Variants in NREP observed in about 807,000 individuals in gnomAD.
The protein encoded by NREP is neuronal regeneration related protein.
In NREP, 5 loss-of-function variants were observed where a neutral mutation model predicts 8.6. The observed-to-expected ratio is 0.58, with a 90% CI of 0.30 to 1.22. NREP has a LOEUF of 1.22. Among genes scored for constraint, NREP ranks in the 50% most tolerant of loss-of-function variants. The pLI is 0.07. For synonymous variants in NREP, 27 were observed against 28.0 expected, an observed-to-expected ratio of 0.96 and a Z score of 0.11; for missense variants, 86 against 82.5, an observed-to-expected ratio of 1.04 and a Z score of -0.17.
At chr5:111,841,527 T>G (rs558836700) in intron 2 of NREP, among the ~76,000 whole-genome samples, 1 of 152,164 alleles carries the variant, frequency 6.6e-6, no homozygotes, top group East Asian at 1.9e-4. Flanking sequence ...TCTGATACAC[T>G]GTGATACGGT....
intron 1 of NREP, 99 bp from the exon 2 acceptor site, chr5:111,755,929 G>A: frequency 2.3e-5 from 36 of 1,539,006 alleles, no homozygotes; most frequent in Non-Finnish European, 3.1e-5. Context: ...ACCATTTTCT[G>A]TGGTTAAGAT....
chr5:111,797,573 A>G (rs1279891355), intron 2 of NREP, among the ~76,000 whole-genome samples: 1 of 152,188 alleles, frequency 6.6e-6, no homozygotes, highest in African/African-American at 2.4e-5. Context: ...TGGATCTCTT[A>G]GAGTGTCTGC....
intron 2 of NREP, among the ~76,000 whole-genome samples, chr5:111,777,975 T>C (rs1215869343): frequency 6.6e-6 from 1 of 152,110 alleles, no homozygotes; most frequent in African/African-American, 2.4e-5. Flanking sequence ...TGCTGGTAAT[T>C]TGAAATGTTA....
At chr5:111,741,285 G>C (rs1453990578) in intron 2 of NREP, among the ~76,000 whole-genome samples, 1 of 152,128 alleles carries the variant, frequency 6.6e-6, no homozygotes, top group East Asian at 1.9e-4. Flanking sequence ...GTATGTGTCT[G>C]CATGTGTACA....
chr5:111,774,892 T>C (rs925135254), intron 2 of NREP, among the ~76,000 whole-genome samples: 5 of 152,180 alleles, frequency 3.3e-5, no homozygotes, highest in African/African-American at 1.2e-4. Flanking sequence ...TTGTCTTTAT[T>C]GCTAAATTTG....
intron 2 of NREP, chr5:111,940,191 C>G (rs1050896933): frequency 1.3e-5 from 2 of 152,086 alleles, no homozygotes; most frequent in African/African-American, 4.8e-5. Flanking sequence ...AAGGGAAACA[C>G]TGTGATAGCC....
intron 2 of NREP, among the ~76,000 whole-genome samples, chr5:111,798,151 T>A (rs553588250): frequency 2.6e-5 from 4 of 152,322 alleles, no homozygotes; most frequent in South Asian, 2.1e-4. Context: ...TACTATCTTA[T>A]TTTTAGCAAA....
intron 2 of NREP, among the ~76,000 whole-genome samples, chr5:111,903,658 G>A (rs1233636256): frequency 6.6e-6 from 1 of 152,028 alleles, no homozygotes; most frequent in Non-Finnish European, 1.5e-5. Flanking sequence ...AATTGTTCCA[G>A]AGACACTGAG....
chr5:111,940,539 G>A (rs1373174773), intron 2 of NREP, among the ~76,000 whole-genome samples: 1 of 152,044 alleles, frequency 6.6e-6, no homozygotes, highest in African/African-American at 2.4e-5. Context: ...AAACGTTGGA[G>A]AGAAGAGCTA....
chr5:111,966,485 G>C (rs529112546), intron 2 of NREP, among the ~76,000 whole-genome samples: 1 of 152,110 alleles, frequency 6.6e-6, no homozygotes. Flanking sequence ...AAGGGGAAGT[G>C]ATATAGAGCT....
chr5:111,785,253 A>G (rs918231726), intron 2 of NREP, among the ~76,000 whole-genome samples: 3 of 152,138 alleles, frequency 2.0e-5, no homozygotes, highest in Non-Finnish European at 4.4e-5. Context: ...TATTCTACTC[A>G]GACATGATTC....
upstream of NREP, chr5:111,757,893 G>A: frequency 2.0e-6 from 2 of 984,794 alleles, no homozygotes; most frequent in South Asian, 9.4e-5. Context: ...CAGCCCGGCG[G>A]CCCGCCAGGG....
intron 2 of NREP, among the ~76,000 whole-genome samples, chr5:111,863,051 A>G (rs186283598): frequency 1.3e-5 from 2 of 152,034 alleles, no homozygotes; most frequent in Non-Finnish European, 2.9e-5. Context: ...AATTTTAATG[A>G]TCACTTTGAC....
chr5:111,798,779 G>A (rs1751933437), intron 2 of NREP, among the ~76,000 whole-genome samples: 1 of 81,096 alleles, frequency 1.2e-5, no homozygotes, highest in Non-Finnish European at 2.6e-5. Flanking sequence ...GTGTGTGTAT[G>A]TGTGTGTGTA....
At chr5:111,907,352 G>T (rs886459932) in intron 2 of NREP, among the ~76,000 whole-genome samples, 2 of 151,946 alleles carry the variant, frequency 1.3e-5, no homozygotes, top group African/African-American at 4.8e-5. Context: ...TTTCGTGTTC[G>T]TATCTGTGAA....
intron 2 of NREP, among the ~76,000 whole-genome samples, chr5:111,934,901 C>A (rs1257417609): frequency 6.6e-6 from 1 of 151,610 alleles, no homozygotes; most frequent in South Asian, 2.1e-4. Flanking sequence ...GGAGAGCCCA[C>A]AGAGCCAGAT....
intron 2 of NREP, among the ~76,000 whole-genome samples, chr5:111,771,187 G>A (rs1561659947): frequency 6.6e-6 from 1 of 152,110 alleles, no homozygotes; most frequent in Non-Finnish European, 1.5e-5. Context: ...AATGATGGAA[G>A]GGAAGAATAA....
chr5:111,794,838 C>T (rs905799087), intron 2 of NREP, among the ~76,000 whole-genome samples: 2 of 152,024 alleles, frequency 1.3e-5, no homozygotes, highest in South Asian at 2.1e-4. Flanking sequence ...CTTTTGGTGA[C>T]AATGATGTGT....
intron 2 of NREP, among the ~76,000 whole-genome samples, chr5:111,798,817 A>C: frequency 6.7e-6 from 1 of 150,070 alleles, no homozygotes; most frequent in African/African-American, 2.5e-5. Context: ...TTCTTTATCC[A>C]CTCATTGATC....
Sources: allele counts gnomAD v4.1 joint callset (sites outside exome capture counted in the v4.1 genomes callset), GRCh38; gene constraint gnomAD v4.1.1; transcripts MANE v1.5; gene names NCBI Gene and HGNC (gene_info 2026-07-23, HGNC 2026-07-21).